Variants in PKHD1 observed in about 807,000 individuals in gnomAD.
PKHD1 encodes the protein fibrocystin.
In PKHD1, 291 loss-of-function variants were observed where a neutral mutation model predicts 412.0. The observed-to-expected ratio is 0.71, with a 90% CI of 0.64 to 0.78. The LOEUF is 0.78. PKHD1 is among the 30% of genes least tolerant of loss of function. The probability of loss-of-function intolerance (pLI) is 0.00; values close to 1 mark genes in which losing one functional copy is unlikely to be tolerated. For synonymous variants in PKHD1, 1,777 were observed against 1,821.5 expected, an observed-to-expected ratio of 0.98 and a Z score of 0.62; for missense variants, 4,825 against 4,950.7, an observed-to-expected ratio of 0.97 and a Z score of 0.76.
At chr6:51,811,573 T>C (rs1281866013) in intron 52 of PKHD1, among the ~76,000 whole-genome samples, 2 of 152,064 alleles carry the variant, frequency 1.3e-5, no homozygotes, top group Admixed American at 1.3e-4. Context: ...AGTTCTAGAG[T>C]CAAACTATTG....
rs969228742 is a variant in PKHD1 at position 51,726,131 on chromosome 6, A to G, written c.10156+18254T>C. On this transcript the variant is annotated intron_variant, in intron 60 of 66. Transcript: ENST00000371117. ...TTTGGGTAGGTCATAGATGTGTCTG[A>G]GAGATCCAGGGTAAATGAGCTGCTT... Among the ~76,000 whole-genome samples the G allele has an allele frequency of 5.3e-5, 8 of 152,192 alleles. No individual in the cohort carries two copies. In the East Asian group the frequency reaches 1.2e-3, roughly 22 times the overall value.
intron 48 of PKHD1, among the ~76,000 whole-genome samples, chr6:51,857,522 T>G (rs1471326290): frequency 6.6e-6 from 1 of 152,216 alleles, no homozygotes; most frequent in African/African-American, 2.4e-5. Context: ...TGGGCAAATT[T>G]CAGCACCTAT....
chr6:51,800,260 T>G (rs945670974), intron 52 of PKHD1, among the ~76,000 whole-genome samples: 1 of 152,158 alleles, frequency 6.6e-6, no homozygotes, highest in Non-Finnish European at 1.5e-5. Flanking sequence ...TGTTTTGGCT[T>G]TTTGGTCTTT....
chr6:51,747,981 A>G lies in PKHD1; in HGVS notation c.9635T>C (p.Phe3212Ser). 1 of 1,614,092 alleles carries G rather than the reference A, an allele frequency of 6.2e-7. No homozygotes were observed. Among genetic ancestry groups the G allele is most frequent in the Non-Finnish European group, 8.5e-7 (1 of 1,179,972 alleles). Residue 3212 changes from phenylalanine (F) to serine (S), a missense_variant, in exon 58 of 67, where the codon TTT becomes TCT. By Grantham distance (155) the Phe-to-Ser change is radical (BLOSUM62 -2). Transcript: ENST00000371117. ...NSVIVATSSS[F>S]DCIQDKVKPH... is the part of the protein sequence containing the mutation. ...CTTCACTTTGTCCTGAATGCAGTCA[A>G]AAGAAGAGCTGGTGGCCACAATGAC... is the stretch of plus-strand genomic sequence containing the variant.
intron 52 of PKHD1, among the ~76,000 whole-genome samples, chr6:51,800,690 A>T (rs1027147792): frequency 2.0e-5 from 3 of 152,218 alleles, no homozygotes; most frequent in Admixed American, 1.3e-4. Flanking sequence ...AGATCCTGGG[A>T]ATAATGATGG....
intron 35 of PKHD1, among the ~76,000 whole-genome samples, chr6:51,982,865 T>TA (rs1795701035): frequency 9.8e-6 from 1 of 102,212 alleles, no homozygotes; most frequent in South Asian, 3.0e-4. Context: ...AAAAATAAAA[T>TA]AAAATAAAAT....
At chr6:51,781,170 C>G (rs9474069) in intron 53 of PKHD1, among the ~76,000 whole-genome samples, 89,043 of 151,842 alleles carry the variant, frequency 0.59, 26,864 homozygotes, top group East Asian at 0.83. Flanking sequence ...AAATAGCACT[C>G]AACCAAGTAA....
At chr6:51,971,196 C>T (rs937843843) in intron 35 of PKHD1, among the ~76,000 whole-genome samples, 4 of 152,244 alleles carry the variant, frequency 2.6e-5, no homozygotes, top group South Asian at 2.1e-4. Flanking sequence ...TTCTGATCTA[C>T]GGGACCATAG....
intron 61 of PKHD1, among the ~76,000 whole-genome samples, chr6:51,657,717 T>A (rs965287741): frequency 6.6e-6 from 1 of 152,102 alleles, no homozygotes; most frequent in African/African-American, 2.4e-5. Flanking sequence ...TATATGTGTG[T>A]ATATATCTAA....
At chr6:51,696,618 A>T (rs1298060511) in intron 60 of PKHD1, among the ~76,000 whole-genome samples, 1 of 152,180 alleles carries the variant, frequency 6.6e-6, no homozygotes, top group Non-Finnish European at 1.5e-5. Flanking sequence ...AGACAAAGCA[A>T]ATGGATATCC....
In PKHD1 at chr6:51,810,890, G is replaced by A. The variant is rs558241136; in HGVS notation, c.8303-19517C>T. Among the ~76,000 whole-genome samples, 46 of 152,204 alleles carry A rather than the reference G, an allele frequency of 3.0e-4. 2 individuals carry two copies. Among genetic ancestry groups the A allele is most frequent in the Admixed American group, 3.3e-4 (5 of 15,270 alleles). On this transcript the variant is annotated intron_variant, in intron 52 of 66. Coordinates refer to ENST00000371117, the MANE Select transcript of PKHD1 (RefSeq NM_138694.4). ...GGGAAACAGAGAGACTTCTAATTTT[G>A]TCTTACTGAATTATGTTAGATTATT...
At chr6:52,077,034 C>CT (rs2128237434) in intron 5 of PKHD1, among the ~76,000 whole-genome samples, 1 of 152,304 alleles carries the variant, frequency 6.6e-6, no homozygotes, top group South Asian at 2.1e-4. Flanking sequence ...ACAATGCCCC[C>CT]TGTCCCCAAA....
intron 53 of PKHD1, among the ~76,000 whole-genome samples, chr6:51,783,408 T>G (rs1792347569): frequency 6.7e-6 from 1 of 148,874 alleles, no homozygotes; most frequent in Non-Finnish European, 1.5e-5. Context: ...ATATTTATTT[T>G]ATATTATTTT....
At chr6:51,720,743 G>A (rs1196378018) in intron 60 of PKHD1, 1 of 129,976 alleles carries the variant, frequency 7.7e-6, no homozygotes, top group African/African-American at 3.1e-5. Context: ...ATTTGTGTGT[G>A]TATGTATATG....
chr6:51,749,151 G>A (rs147500422), intron 57 of PKHD1, among the ~76,000 whole-genome samples: 25 of 152,282 alleles, frequency 1.6e-4, no homozygotes, highest in South Asian at 2.1e-4. Context: ...GTATGAGTGC[G>A]AAATTTCCTT....
chr6:51,802,937 T>G (rs1763162301), intron 52 of PKHD1, among the ~76,000 whole-genome samples: 1 of 150,260 alleles, frequency 6.7e-6, no homozygotes, highest in South Asian at 2.1e-4. Flanking sequence ...TATTAAAATC[T>G]TAAAAATAAG....
intron 42 of PKHD1, 88 bp downstream of exon 42, chr6:51,903,898 C>T: frequency 1.3e-6 from 1 of 794,490 alleles, no homozygotes; most frequent in East Asian, 2.8e-5. Flanking sequence ...ACTTAAGAGA[C>T]CTAACATTTT....
intron 60 of PKHD1, among the ~76,000 whole-genome samples, chr6:51,735,919 G>A (rs1783787254): frequency 6.6e-6 from 1 of 152,124 alleles, no homozygotes; most frequent in African/African-American, 2.4e-5. Context: ...GGGCGACAGA[G>A]TGAGACCTTG....
At chr6:51,960,433 A>T (rs1051220129) in intron 35 of PKHD1, among the ~76,000 whole-genome samples, 2 of 152,050 alleles carry the variant, frequency 1.3e-5, no homozygotes, top group African/African-American at 4.8e-5. Flanking sequence ...TATGTATTGA[A>T]TCTTGGACAA....
Sources: gnomAD v4.1 joint callset for allele counts (sites outside exome capture counted in the v4.1 genomes callset) on GRCh38, gnomAD v4.1.1 for gene constraint, MANE v1.5 for transcripts, NCBI Gene and HGNC (gene_info 2026-07-23, HGNC 2026-07-21) for gene names.